The following L3MBTL3 variants were observed in gnomAD, a reference collection of about 807,000 sequenced individuals.
L3MBTL3 encodes lethal(3)malignant brain tumor-like protein 3.
A neutral mutation model predicts 102.3 loss-of-function variants in L3MBTL3; 27 were observed. The ratio of observed to expected loss-of-function variants is 0.26; its 90% CI spans 0.19 to 0.36. The LOEUF (loss-of-function observed/expected upper bound fraction) is 0.36, where lower values mean the gene tolerates loss of function less well. L3MBTL3 is among the 10% of genes least tolerant of loss of function. The pLI, the probability that L3MBTL3 is intolerant of heterozygous loss-of-function variation, is 1.00. For synonymous variants in L3MBTL3, 340 were observed against 320.9 expected, an observed-to-expected ratio of 1.06 and a Z score of -0.64; for missense variants, 798 against 955.3, an observed-to-expected ratio of 0.84 and a Z score of 2.17.
At chr6:130,030,453 G>A (rs1208449372) in intron 2 of L3MBTL3, among the ~76,000 whole-genome samples, 1 of 151,792 alleles carries the variant, frequency 6.6e-6, no homozygotes, top group Non-Finnish European at 1.5e-5. Flanking sequence ...ATGAGGTCAG[G>A]AGATCGAGAC....
At chr6:130,045,760 T>C (rs1160325664) in intron 3 of L3MBTL3, among the ~76,000 whole-genome samples, 1 of 152,154 alleles carries the variant, frequency 6.6e-6, no homozygotes, top group Non-Finnish European at 1.5e-5. Context: ...CATTTGAGCT[T>C]CAGGTGCCTG....
At chr6:130,047,032 A>T (rs1266054449) in intron 3 of L3MBTL3, among the ~76,000 whole-genome samples, 1 of 152,238 alleles carries the variant, frequency 6.6e-6, no homozygotes, top group African/African-American at 2.4e-5. Context: ...TTTGCATATG[A>T]CAGAATATTT....
rs758879378 is a variant in L3MBTL3 at position 130,068,315 on chromosome 6, A to G, written c.1001-15A>G. 2 of 1,417,866 alleles carry G rather than the reference A, an allele frequency of 1.4e-6. No homozygotes were observed. The highest frequency in any genetic ancestry group is 1.7e-5 in the Admixed American group (1 of 59,128). 87.8% of individuals were successfully genotyped at this position (1,417,866 alleles called of 1,614,324 possible). A position where few individuals can be genotyped will look rare whatever the true frequency, so the allele number is the denominator to read the frequency against. ...GTGGTATTTGAATCAATCTGTTCAT[A>G]TGTGCTTACTCTAGGGTATAAAGAA... On this transcript the variant is annotated splice_polypyrimidine_tract_variant and intron_variant, in intron 11 of 22. Coordinates refer to ENST00000361794, the MANE Select transcript of L3MBTL3 (RefSeq NM_032438.4).
At chr6:130,037,055 GA>G (rs1465128824) in intron 2 of L3MBTL3, among the ~76,000 whole-genome samples, 7 of 152,032 alleles carry the variant, frequency 4.6e-5, no homozygotes. Flanking sequence ...CTGTTTTTCT[GA>G]AAAAAATAAT....
At chr6:130,023,850 C>T (rs543247544) in intron 2 of L3MBTL3, among the ~76,000 whole-genome samples, 60 of 152,206 alleles carry the variant, frequency 3.9e-4, no homozygotes, top group African/African-American at 1.4e-3. Flanking sequence ...ATGGACTTCT[C>T]GGAATATTTC....
At chr6:130,075,351 A>ATGGGTACTTAGAGGT (rs931414736) in intron 13 of L3MBTL3, among the ~76,000 whole-genome samples, 1 of 152,080 alleles carries the variant, frequency 6.6e-6, no homozygotes, top group Non-Finnish European at 1.5e-5. Flanking sequence ...CCAAGAAGGA[A>ATGGGTACTTAGAGGT]TGGGTACTTA....
At chr6:130,075,120 A>T (rs1208674689) in intron 13 of L3MBTL3, among the ~76,000 whole-genome samples, 1 of 152,048 alleles carries the variant, frequency 6.6e-6, no homozygotes, top group Non-Finnish European at 1.5e-5. Context: ...GATGAATGGA[A>T]CCTGGGCTGT....
At chr6:130,125,062 G>C (rs1045078391) in intron 20 of L3MBTL3, among the ~76,000 whole-genome samples, 1 of 152,158 alleles carries the variant, frequency 6.6e-6, no homozygotes, top group African/African-American at 2.4e-5. Flanking sequence ...TACTGGAGCG[G>C]GGTCCTGGAG....
At chr6:130,104,308 C>T in intron 18 of L3MBTL3, 118 bp from the exon 19 acceptor site, 1 of 595,934 alleles carries the variant, frequency 1.7e-6, no homozygotes, top group East Asian at 3.2e-5. Flanking sequence ...AACAATATAA[C>T]ATATTCAGTT....
chr6:130,093,789 C>G (rs1262170445), intron 17 of L3MBTL3, among the ~76,000 whole-genome samples: 1 of 152,176 alleles, frequency 6.6e-6, no homozygotes, highest in Non-Finnish European at 1.5e-5. Context: ...AGAGCCCACA[C>G]TAACATCAGT....
intron 2 of L3MBTL3, among the ~76,000 whole-genome samples, chr6:130,029,944 A>G (rs1237336166): frequency 6.6e-6 from 1 of 152,118 alleles, no homozygotes; most frequent in Non-Finnish European, 1.5e-5. Flanking sequence ...GTGCTTCAGC[A>G]TCTGGAGTAG....
At chr6:130,090,701 T>C (rs531836388) in intron 16 of L3MBTL3, among the ~76,000 whole-genome samples, 27 of 152,130 alleles carry the variant, frequency 1.8e-4, no homozygotes, top group Non-Finnish European at 4.0e-4. Context: ...GCTCAGGTGA[T>C]CCTCCCACCT....
intron 2 of L3MBTL3, among the ~76,000 whole-genome samples, chr6:130,042,206 G>T (rs1395027210): frequency 6.6e-6 from 1 of 152,000 alleles, no homozygotes; most frequent in African/African-American, 2.4e-5. Context: ...AGCCAAATTG[G>T]TTATCTTAAC....
chr6:130,100,637 A>G (rs2115317275), intron 18 of L3MBTL3, among the ~76,000 whole-genome samples: 1 of 146,356 alleles, frequency 6.8e-6, no homozygotes, highest in South Asian at 2.1e-4. Flanking sequence ...GGTCCTAGCA[A>G]TCTATTTTCA....
chr6:130,071,140 C>G lies in L3MBTL3; in HGVS notation c.1244+13C>G. ...GCTATGACTATTGGTGAGACATTTT[C>G]TGTTGTGTGCTTTTAAAAATTTAAT... On this transcript the variant is annotated intron_variant, in intron 13 of 22. Coordinates refer to ENST00000361794, the MANE Select transcript of L3MBTL3 (RefSeq NM_032438.4). 1 of 1,600,044 alleles carries G rather than the reference C, an allele frequency of 6.2e-7. No individual in the cohort carries two copies. The highest frequency in any genetic ancestry group is 8.5e-7 in the Non-Finnish European group (1 of 1,172,750).
chr6:130,065,729 G>T (rs1014968737), intron 10 of L3MBTL3, among the ~76,000 whole-genome samples: 3 of 152,146 alleles, frequency 2.0e-5, no homozygotes, highest in Non-Finnish European at 2.9e-5. Context: ...CTCAGGTCTC[G>T]TAAGCCTATA....
intron 10 of L3MBTL3, among the ~76,000 whole-genome samples, chr6:130,060,552 C>G (rs956548230): frequency 6.6e-6 from 1 of 151,506 alleles, no homozygotes; most frequent in Non-Finnish European, 1.5e-5. Flanking sequence ...GAATATATAT[C>G]TCAGTCTAAT....
chr6:130,072,021 T>TA (rs1562286189), intron 13 of L3MBTL3, among the ~76,000 whole-genome samples: 1 of 152,094 alleles, frequency 6.6e-6, no homozygotes, highest in Non-Finnish European at 1.5e-5. Flanking sequence ...GCAGAATTTT[T>TA]AAAAAATGTA....
At chr6:130,019,635 G>GCA (rs1322499402) in intron 1 of L3MBTL3, among the ~76,000 whole-genome samples, 1 of 151,064 alleles carries the variant, frequency 6.6e-6, no homozygotes, top group Admixed American at 6.6e-5. Context: ...TCACACGCAC[G>GCA]CACACACACG....
Sources: gnomAD v4.1 joint callset for allele counts (sites outside exome capture counted in the v4.1 genomes callset) on GRCh38, gnomAD v4.1.1 for gene constraint, MANE v1.5 for transcripts, NCBI Gene and HGNC (gene_info 2026-07-23, HGNC 2026-07-21) for gene names.